The following POLR3F variants were observed in gnomAD, a reference collection of about 807,000 sequenced individuals.
POLR3F encodes DNA-directed RNA polymerase III subunit RPC6.
Under a neutral mutation model 43.6 loss-of-function variants are expected in POLR3F, and 31 were observed. The observed-to-expected ratio is 0.71, with a 90% confidence interval of 0.53 to 0.96. POLR3F has a LOEUF of 0.96. POLR3F is among the 40% of genes least tolerant of loss of function. The pLI is 0.00. For missense variants in POLR3F, 316 were observed against 391.7 expected (o/e 0.81, Z 1.63); for synonymous variants, 114 against 132.5 (o/e 0.86, Z 0.96).
chr20:18,467,955 G>A (rs1412628577), intron 1 of POLR3F, among the ~76,000 whole-genome samples: 1 of 152,220 alleles, frequency 6.6e-6, no homozygotes, highest in Non-Finnish European at 1.5e-5. Flanking sequence ...GAACGTCTAT[G>A]ACAAAACGTT....
At chr20:18,479,392 G>GT (rs2059797658) in intron 5 of POLR3F, among the ~76,000 whole-genome samples, 1 of 152,166 alleles carries the variant, frequency 6.6e-6, no homozygotes, top group Non-Finnish European at 1.5e-5. Context: ...CTACTCGGGA[G>GT]GCTGAGGCAG....
intron 8 of POLR3F, 124 bp downstream of exon 8, chr20:18,481,934 T>G: frequency 1.7e-6 from 1 of 589,708 alleles, no homozygotes; most frequent in East Asian, 2.8e-5. Context: ...TATTCAAACC[T>G]CCATGAAACC....
chr20:18,469,865 C>T (rs1297626147), intron 2 of POLR3F, among the ~76,000 whole-genome samples: 1 of 152,164 alleles, frequency 6.6e-6, no homozygotes, highest in Non-Finnish European at 1.5e-5. Flanking sequence ...TTCCACCCCC[C>T]GATTTTCCTA....
chr20:18,468,275 C>T (rs1182616194), intron 1 of POLR3F, among the ~76,000 whole-genome samples: 1 of 152,162 alleles, frequency 6.6e-6, no homozygotes, highest in Non-Finnish European at 1.5e-5. Context: ...CGGGGTTTCA[C>T]CATGTTGTCT....
At chr20:18,468,025 T>A (rs1185523151) in intron 1 of POLR3F, among the ~76,000 whole-genome samples, 2 of 152,172 alleles carry the variant, frequency 1.3e-5, no homozygotes, top group Admixed American at 1.3e-4. Context: ...GTGGTTTCAG[T>A]GCAGTATTGA....
At chr20:18,480,916 T>G (rs1025667320) in intron 7 of POLR3F, among the ~76,000 whole-genome samples, 1 of 152,222 alleles carries the variant, frequency 6.6e-6, no homozygotes, top group Admixed American at 6.5e-5. Flanking sequence ...TTTGGACATG[T>G]CACTTTAATT....
At chr20:18,483,362 T>A in intron 8 of POLR3F, 119 bp from the exon 9 acceptor site, 2 of 549,258 alleles carry the variant, frequency 3.6e-6, no homozygotes, top group Non-Finnish European at 6.3e-6. Flanking sequence ...TGTTCTTAAG[T>A]ACAGTCCTAG....
At chr20:18,473,572 TA>T (rs1601253636) in intron 4 of POLR3F, 114 bp downstream of exon 4, 2 of 507,018 alleles carry the variant, frequency 3.9e-6, no homozygotes, top group Non-Finnish European at 7.4e-6. Context: ...CTGAGGAAGG[TA>T]ATAGAACATA....
chr20:18,474,335 C>G (rs1376715561), intron 4 of POLR3F, among the ~76,000 whole-genome samples: 4 of 152,150 alleles, frequency 2.6e-5, no homozygotes, highest in Admixed American at 6.5e-5. Context: ...CATGCAGACA[C>G]TCATCTAAAG....
intron 5 of POLR3F, among the ~76,000 whole-genome samples, chr20:18,478,646 T>G (rs903258905): frequency 6.6e-6 from 1 of 152,220 alleles, no homozygotes; most frequent in Non-Finnish European, 1.5e-5. Context: ...GTATGGACTC[T>G]TGTGTAATTT....
At position 18,484,388 on chromosome 20, in the gene POLR3F, C is replaced by T. The variant is rs2059827085; in HGVS notation, c.*830C>T. On this transcript the variant is annotated 3_prime_UTR_variant, in exon 9 of 9. Coordinates refer to ENST00000377603, the MANE Select transcript of POLR3F (RefSeq NM_006466.4). ...AATTCTAATGTTGAAATCTCATTTC[C>T]AATGTGATGGTATTTGGAGGTGGGG... The T allele has an allele frequency of 2.8e-6, 1 of 355,196 alleles. No individual in the cohort carries two copies. Among genetic ancestry groups the T allele is most frequent in the Non-Finnish European group, 5.0e-6 (1 of 199,356 alleles). 22.0% of individuals were successfully genotyped at this position (355,196 alleles called of 1,614,324 possible). A position where few individuals can be genotyped will look rare whatever the true frequency, so the allele number is the denominator to read the frequency against.
At chr20:18,479,957 A>T in intron 5 of POLR3F, 81 bp from the exon 6 acceptor site, 1 of 1,018,644 alleles carries the variant, frequency 9.8e-7, no homozygotes, top group Non-Finnish European at 1.5e-6. Context: ...TGTACATCTT[A>T]AACTGTTCCA....
intron 8 of POLR3F, 143 bp from the exon 9 acceptor site, chr20:18,483,338 G>A (rs1465678580): frequency 6.5e-5 from 29 of 445,534 alleles, no homozygotes; most frequent in Admixed American, 4.3e-5. Context: ...GAGCCACTGC[G>A]TCCGGCTATA....
intron 2 of POLR3F, among the ~76,000 whole-genome samples, chr20:18,469,908 C>T (rs1185304807): frequency 6.6e-6 from 1 of 152,182 alleles, no homozygotes; most frequent in African/African-American, 2.4e-5. Context: ...ATCAGGGTTT[C>T]ATTCTCCACA....
intron 4 of POLR3F, among the ~76,000 whole-genome samples, chr20:18,474,334 A>G (rs1280687103): frequency 1.3e-5 from 2 of 152,036 alleles, no homozygotes; most frequent in African/African-American, 4.8e-5. Context: ...GCATGCAGAC[A>G]CTCATCTAAA....
intron 5 of POLR3F, among the ~76,000 whole-genome samples, chr20:18,477,026 T>C (rs914450489): frequency 2.0e-5 from 3 of 150,948 alleles, no homozygotes; most frequent in Admixed American, 1.3e-4. Flanking sequence ...GTGAGCAAGA[T>C]TGCACCATTG....
chr20:18,475,048 A>T (rs1214517565), intron 4 of POLR3F, 27 bp from the exon 5 acceptor site: 2 of 932,146 alleles, frequency 2.1e-6, no homozygotes, highest in South Asian at 2.8e-5. Flanking sequence ...ACCAGAGTTC[A>T]ACTTATTTTA....
At chr20:18,483,410 T>A (rs2059821048) in intron 8 of POLR3F, 71 bp from the exon 9 acceptor site, 1 of 723,270 alleles carries the variant, frequency 1.4e-6, no homozygotes, top group African/African-American at 1.8e-5. Context: ...TAATCTTGCT[T>A]TAAATAAGTG....
chr20:18,467,732 G>A (rs900891461), intron 1 of POLR3F, 164 bp downstream of exon 1: 1 of 1,418,080 alleles, frequency 7.1e-7, no homozygotes, highest in Admixed American at 2.6e-5. Flanking sequence ...CCCATCCTGG[G>A]AGAGCAGAAC....
Sources: gnomAD v4.1 joint callset for allele counts (sites outside exome capture counted in the v4.1 genomes callset) on GRCh38, gnomAD v4.1.1 for gene constraint, MANE v1.5 for transcripts, NCBI Gene and HGNC (gene_info 2026-07-23, HGNC 2026-07-21) for gene names.